Variants in CCDC187 observed in about 807,000 individuals in gnomAD.
The protein encoded by CCDC187 is coiled-coil domain-containing protein 187.
CCDC187 carries 32 observed loss-of-function variants against 38.0 expected under a neutral mutation model. The observed-to-expected ratio is 0.84, with a 90% CI of 0.64 to 1.13. The LOEUF (loss-of-function observed/expected upper bound fraction) is 1.13. Ranked by LOEUF, CCDC187 falls within the 50% of genes most tolerant of loss-of-function variation. The pLI, the probability that CCDC187 is intolerant of heterozygous loss-of-function variation, is 0.00. For synonymous variants in CCDC187, 333 were observed against 347.9 expected (o/e 0.96, Z 0.48); for missense variants, 707 against 786.8 (o/e 0.90, Z 1.21).
chr9:136,269,584 G>C (rs1273026412), intron 14 of CCDC187, among the ~76,000 whole-genome samples: 1 of 152,264 alleles, frequency 6.6e-6, no homozygotes, highest in South Asian at 2.1e-4. Context: ...GGTGGTAGAG[G>C]TTGCAGTGAG....
chr9:136,253,467 G>T lies in CCDC187; in HGVS notation c.*127C>A. 1 of 375,306 alleles carries T rather than the reference G, an allele frequency of 2.7e-6. No individual in the cohort carries two copies. Among genetic ancestry groups the T allele is most frequent in the Non-Finnish European group, 3.7e-6 (1 of 272,098 alleles). The allele number at this position is 375,306 out of a possible 1,614,324, so 23.2% of individuals were successfully genotyped here. ...CTGCCTGACCCCTCACACGACGAGTGCCCTGGCCAGCTGACAGGTTCAGGC... is the reference window on the plus strand; with the variant it reads ...CTGCCTGACCCCTCACACGACGAGTTCCCTGGCCAGCTGACAGGTTCAGGC... On this transcript the variant is annotated 3_prime_UTR_variant, in exon 26 of 26. Coordinates refer to ENST00000638797, the MANE Select transcript of CCDC187 (RefSeq NM_001378188.1).
At chr9:136,272,358 A>G (rs1207385306) in intron 14 of CCDC187, among the ~76,000 whole-genome samples, 2 of 152,234 alleles carry the variant, frequency 1.3e-5, no homozygotes, top group Non-Finnish European at 2.9e-5. Flanking sequence ...CAGAGTTTAT[A>G]AAACATTTAA....
At chr9:136,262,903 G>C (rs932364449) in intron 18 of CCDC187, among the ~76,000 whole-genome samples, 2 of 151,992 alleles carry the variant, frequency 1.3e-5, no homozygotes, top group Non-Finnish European at 2.9e-5. Flanking sequence ...CCCACCCCTT[G>C]TCCACACAGC....
At chr9:136,297,326 G>A (rs1831560706) in intron 4 of CCDC187, among the ~76,000 whole-genome samples, 3 of 151,990 alleles carry the variant, frequency 2.0e-5, no homozygotes, top group African/African-American at 7.2e-5. Flanking sequence ...TGCAGGTGGT[G>A]TGAGCTGCGG....
At chr9:136,284,776 C>T (rs1831133364) in intron 9 of CCDC187, among the ~76,000 whole-genome samples, 1 of 152,004 alleles carries the variant, frequency 6.6e-6, no homozygotes, top group Non-Finnish European at 1.5e-5. Context: ...TCACAAATCC[C>T]CAGGAGGGAC....
At chr9:136,289,648 G>C (rs1187173083) in intron 7 of CCDC187, among the ~76,000 whole-genome samples, 1 of 152,112 alleles carries the variant, frequency 6.6e-6, no homozygotes, top group Non-Finnish European at 1.5e-5. Context: ...GAGATGGAAT[G>C]TTCCGGAACT....
rs1236761859 is a variant in CCDC187 at position 136,254,494 on chromosome 9, CT to C, written c.5333del (p.Lys1778SerfsTer44). ...CAGGCAGGGAGCTCCCCGAGGCTGG[CT>C]TGGCCCCGGTACAGGGTTCTGGCAG... ...EDLPEPCTGA[K>X]PASGSSLPAG... On this transcript the variant is annotated frameshift_variant, in exon 26 of 26. Transcript: ENST00000638797. LOFTEE classifies it low-confidence loss of function (END_TRUNC). The C allele has an allele frequency of 6.1e-6, 6 of 985,398 alleles. No homozygotes were observed. The African/African-American group carries it at 1.0e-4, about 17-fold the overall frequency. The allele number at this position is 985,398 out of a possible 1,614,324, so 61.0% of individuals were successfully genotyped here.
chr9:136,291,733 TG>T (rs1831337310), intron 5 of CCDC187, 88 bp from the exon 6 acceptor site: 1 of 398,202 alleles, frequency 2.5e-6, no homozygotes, highest in African/African-American at 2.1e-5. Flanking sequence ...GCAAGGAGTG[TG>T]GGGGCGGTGA....
intron 3 of CCDC187, 61 bp from the exon 4 acceptor site, chr9:136,297,882 GC>G (rs1453653252): frequency 5.1e-6 from 2 of 395,524 alleles, no homozygotes; most frequent in Non-Finnish European, 8.9e-6. Context: ...TGACACACGG[GC>G]CCCCCACGTG....
intron 4 of CCDC187, among the ~76,000 whole-genome samples, chr9:136,295,280 C>T (rs1003152312): frequency 2.6e-5 from 4 of 152,212 alleles, no homozygotes; most frequent in Non-Finnish European, 5.9e-5. Flanking sequence ...AGGGGCTGCC[C>T]GCCTGCCCGC....
upstream of CCDC187, among the ~76,000 whole-genome samples, chr9:136,305,665 A>T (rs1369492599): frequency 6.6e-6 from 1 of 152,236 alleles, no homozygotes; most frequent in Non-Finnish European, 1.5e-5. Context: ...CCACCCAGCC[A>T]CTCAGCAGCT....
In CCDC187 at chr9:136,257,894, G is replaced by A. The variant is rs975125406; in HGVS notation, c.4366+1038C>T. On this transcript the variant is annotated intron_variant, in intron 22 of 25. Coordinates refer to ENST00000638797, the MANE Select transcript of CCDC187 (RefSeq NM_001378188.1). The surrounding 1 kb of genome is among the most constrained non-coding windows in gnomAD (Gnocchi z 4.5). ...GGCACCGCAGTCAGGCAGACTCAGG[G>A]TGAACCCTAGACCACGTGAGAACAT... is the stretch of plus-strand genomic sequence containing the variant. 2.0e-5 allele frequency among the ~76,000 whole-genome samples: 3 copies of A among 152,200 alleles called. No homozygotes were observed. The highest frequency in any genetic ancestry group is 7.2e-5 in the African/African-American group (3 of 41,456).
rs1234685004 is a variant in CCDC187 at position 136,260,103 on chromosome 9, C to T, written c.4210+16G>A. 16 of 985,302 alleles carry T rather than the reference C, an allele frequency of 1.6e-5. No homozygotes were observed. Among genetic ancestry groups the T allele is most frequent in the Non-Finnish European group, 1.9e-5 (16 of 829,966 alleles). The allele number at this position is 985,302 out of a possible 1,614,324, so 61.0% of individuals were successfully genotyped here. ...CATCCGTCTGACCCTGGGCGGTCGC[C>T]GCGGCTGCTCATTACCTTGACTGAC... On this transcript the variant is annotated intron_variant, in intron 20 of 25. Coordinates refer to ENST00000638797, the MANE Select transcript of CCDC187 (RefSeq NM_001378188.1).
intron 4 of CCDC187, among the ~76,000 whole-genome samples, chr9:136,294,296 TCA>T (rs1831482086): frequency 1.4e-5 from 2 of 146,226 alleles, no homozygotes; most frequent in Non-Finnish European, 1.5e-5. Flanking sequence ...GCTCTCACTC[TCA>T]CACGCTCATA....
chr9:136,293,868 GCT>G (rs1174843990), intron 4 of CCDC187, among the ~76,000 whole-genome samples: 6,282 of 148,534 alleles, frequency 0.042, 176 homozygotes, highest in Admixed American at 0.11. Flanking sequence ...AGTCTCATAT[GCT>G]CTCTGACTCA....
At chr9:136,288,809 G>A (rs1831242091) in intron 7 of CCDC187, among the ~76,000 whole-genome samples, 1 of 152,264 alleles carries the variant, frequency 6.6e-6, no homozygotes, top group East Asian at 1.9e-4. Context: ...AGCGCTGTGA[G>A]GAAGTGGGGA....
At position 136,257,517 on chromosome 9, in the gene CCDC187, C is replaced by T. The variant is rs572095105; in HGVS notation, c.4367-676G>A. Among the ~76,000 whole-genome samples, 3 of 152,226 alleles carry T rather than the reference C, an allele frequency of 2.0e-5. No individual in the cohort carries two copies. The highest frequency in any genetic ancestry group is 3.9e-4 in the East Asian group (2 of 5,178). On this transcript the variant is annotated intron_variant, in intron 22 of 25. Coordinates refer to ENST00000638797, the MANE Select transcript of CCDC187 (RefSeq NM_001378188.1). This position sits in a 1 kb window ranked among gnomAD's most constrained non-coding sequence, Gnocchi z 4.5. ...GTGAGGCAGGGGTGGTGCAGAGGGC[C>T]GGTGGGGGGCAGGCCTCGGACACAG...
chr9:136,284,036 G>A (rs1269888533), intron 9 of CCDC187, among the ~76,000 whole-genome samples: 1 of 152,192 alleles, frequency 6.6e-6, no homozygotes, highest in Non-Finnish European at 1.5e-5. Flanking sequence ...GAGGGCAAAG[G>A]GGGCTTCAGG....
intron 10 of CCDC187, among the ~76,000 whole-genome samples, chr9:136,280,123 TC>T (rs1258127489): frequency 1.3e-5 from 2 of 152,266 alleles, no homozygotes; most frequent in African/African-American, 4.8e-5. Flanking sequence ...CCTTCCTGGC[TC>T]TGAACTGCCG....
Sources: allele counts gnomAD v4.1 joint callset (sites outside exome capture counted in the v4.1 genomes callset), GRCh38; gene constraint gnomAD v4.1.1; non-coding constraint Gnocchi (gnomAD v3.1); transcripts MANE v1.5; gene names NCBI Gene and HGNC (gene_info 2026-07-23, HGNC 2026-07-21).